RAB11FIP3: variants seen among roughly 807,000 people sequenced by gnomAD.
The protein encoded by RAB11FIP3 is rab11 family-interacting protein 3.
RAB11FIP3 carries 17 observed loss-of-function variants against 77.8 expected under a neutral mutation model. The ratio of observed to expected loss-of-function variants is 0.22; its 90% confidence interval spans 0.15 to 0.33. RAB11FIP3 has a LOEUF of 0.33. Among genes scored for constraint, RAB11FIP3 ranks in the 10% least tolerant of loss-of-function variants. The pLI, the probability that RAB11FIP3 is intolerant of heterozygous loss-of-function variation, is 1.00. For missense variants in RAB11FIP3, 1,005 were observed against 1,011.2 expected (o/e 0.99, Z 0.08); for synonymous variants, 437 against 448.2 (o/e 0.98, Z 0.31).
chr16:495,352 C>T (rs1157821507), intron 5 of RAB11FIP3, among the ~76,000 whole-genome samples: 1 of 152,208 alleles, frequency 6.6e-6, no homozygotes, highest in Non-Finnish European at 1.5e-5. Context: ...GGTGGGGACA[C>T]CACCGTGCTG....
chr16:506,490 C>T lies in RAB11FIP3; in HGVS notation c.1499+863C>T, dbSNP rs1049146845. ...CCGGCTCTTCCACATATTCTCAGCT[C>T]GGCCAAGGGCCCTGTCCCTTGAAGC... On this transcript the variant is annotated intron_variant, in intron 8 of 13. Coordinates refer to ENST00000262305, the MANE Select transcript of RAB11FIP3 (RefSeq NM_014700.4). The surrounding 1 kb of genome is among the most constrained non-coding windows in gnomAD (Gnocchi z 4.5). Among the ~76,000 whole-genome samples the T allele has an allele frequency of 4.6e-5, 7 of 152,164 alleles. No individual in the cohort carries two copies. The highest frequency in any genetic ancestry group is 1.7e-4 in the African/African-American group (7 of 41,444).
intron 1 of RAB11FIP3, among the ~76,000 whole-genome samples, chr16:455,561 T>G (rs1567366411): frequency 6.6e-6 from 1 of 152,128 alleles, no homozygotes; most frequent in South Asian, 2.1e-4. Context: ...TGATCGGATA[T>G]GACTGGAGCA....
rs2055825413 is a variant in RAB11FIP3 at position 472,404 on chromosome 16, T to C, written c.903+1015T>C. Among the ~76,000 whole-genome samples, 1 of 152,200 alleles carries C rather than the reference T, an allele frequency of 6.6e-6. No homozygotes were observed. The highest frequency in any genetic ancestry group is 1.5e-5 in the Non-Finnish European group (1 of 68,032). ...GGTCCCATGTTTGGCCTTGGTGTGC[T>C]CTTTCTGCACGTGAGGCAGCAGTGA... On this transcript the variant is annotated intron_variant, in intron 3 of 13. Transcript: ENST00000262305. The surrounding 1 kb of genome is among the most constrained non-coding windows in gnomAD (Gnocchi z 4.1).
intron 8 of RAB11FIP3, among the ~76,000 whole-genome samples, chr16:509,111 T>A (rs2141877562): frequency 6.6e-6 from 1 of 152,082 alleles, no homozygotes; most frequent in African/African-American, 2.4e-5. Flanking sequence ...ACCATATTGG[T>A]CAGGCTGGTC....
At chr16:492,080 C>G (rs1408948963) in intron 5 of RAB11FIP3, among the ~76,000 whole-genome samples, 2 of 152,212 alleles carry the variant, frequency 1.3e-5, no homozygotes, top group Non-Finnish European at 2.9e-5. Flanking sequence ...TGTCTTGAGC[C>G]TGCCCTGTCC....
At chr16:494,027 C>T (rs12933874) in intron 5 of RAB11FIP3, among the ~76,000 whole-genome samples, 61,714 of 108,836 alleles carry the variant, frequency 0.57, 18,711 homozygotes, top group African/African-American at 0.73. Context: ...CCTCAGCCTC[C>T]CGAGTAGCTG....
chr16:489,768 C>T (rs889075076), intron 5 of RAB11FIP3, among the ~76,000 whole-genome samples: 12 of 121,824 alleles, frequency 9.9e-5, no homozygotes, highest in African/African-American at 3.3e-4. Context: ...GGGTGGAGGG[C>T]GGTGCAGGAG....
chr16:441,394 C>T (rs79579795), intron 1 of RAB11FIP3, among the ~76,000 whole-genome samples: 3,903 of 152,244 alleles, frequency 0.026, 182 homozygotes, highest in African/African-American at 0.088. Flanking sequence ...ATGAGGTCTT[C>T]CCATCACTGT....
Position 472,869 on chromosome 16 carries a change from T to G in RAB11FIP3, c.903+1480T>G, listed in dbSNP as rs1246741111. On this transcript the variant is annotated intron_variant, in intron 3 of 13. Transcript: ENST00000262305. The surrounding 1 kb of genome is among the most constrained non-coding windows in gnomAD (Gnocchi z 4.1). ...GGTGATATCATGCTGGTTTGGGCCCTAAATCCAGTGACAGGTGTCCCTGGA... is the reference window on the plus strand; with the variant it reads ...GGTGATATCATGCTGGTTTGGGCCCGAAATCCAGTGACAGGTGTCCCTGGA... Among the ~76,000 whole-genome samples the G allele has an allele frequency of 6.6e-6, 1 of 152,064 alleles. No homozygotes were observed. The highest frequency in any genetic ancestry group is 1.5e-5 in the Non-Finnish European group (1 of 67,998).
chr16:518,656 A>G (rs995682223), intron 9 of RAB11FIP3, among the ~76,000 whole-genome samples: 2 of 152,030 alleles, frequency 1.3e-5, no homozygotes, highest in African/African-American at 4.8e-5. Flanking sequence ...ACCCCGGGAG[A>G]TGGAGCTTGC....
chr16:458,690 C>G (rs1191659279), intron 1 of RAB11FIP3, among the ~76,000 whole-genome samples: 2 of 151,678 alleles, frequency 1.3e-5, no homozygotes, highest in Non-Finnish European at 2.9e-5. Flanking sequence ...AGGGCTCCTG[C>G]CAGCCTGTTG....
chr16:450,171 C>CT (rs1166574032), intron 1 of RAB11FIP3, among the ~76,000 whole-genome samples: 3 of 151,830 alleles, frequency 2.0e-5, no homozygotes, highest in Non-Finnish European at 4.4e-5. Context: ...GCACAACAAA[C>CT]TTTTTTTCTC....
At chr16:497,368 A>G (rs1408235441) in intron 6 of RAB11FIP3, 2 of 1,301,290 alleles carry the variant, frequency 1.5e-6, no homozygotes, top group Non-Finnish European at 2.0e-6. Context: ...GCCAGTTCTT[A>G]CCGAAATAAA....
chr16:461,214 CTG>C lies in RAB11FIP3; in HGVS notation c.715-187_715-186del, dbSNP rs2055599921. Among the ~76,000 whole-genome samples the C allele has an allele frequency of 2.0e-5, 3 of 152,164 alleles. No individual in the cohort carries two copies. The highest frequency in any genetic ancestry group is 7.2e-5 in the African/African-American group (3 of 41,442). On this transcript the variant is annotated intron_variant, in intron 1 of 13. Transcript: ENST00000262305. This position sits in a 1 kb window ranked among gnomAD's most constrained non-coding sequence, Gnocchi z 4.5. ...GGAGCACACAGTAGGCTTTGCGCTC[CTG>C]TGAGAAGAACCTGATGCTCCTGCTG...
At chr16:455,455 C>A (rs1370631776) in intron 1 of RAB11FIP3, among the ~76,000 whole-genome samples, 9 of 146,970 alleles carry the variant, frequency 6.1e-5, no homozygotes, top group Non-Finnish European at 1.2e-4. Flanking sequence ...GCCTGGGTAA[C>A]AGAGGCGACT....
In RAB11FIP3 at chr16:505,342, G is replaced by A. The variant is rs2031814678; in HGVS notation, c.1396-182G>A. ...AATGACAGTGCTCCCCAAGACCCCG[G>A]CCCCATTAGGAGCTGCACCTTTGTG... On this transcript the variant is annotated intron_variant, in intron 7 of 13. Coordinates refer to ENST00000262305, the MANE Select transcript of RAB11FIP3 (RefSeq NM_014700.4). This position sits in a 1 kb window ranked among gnomAD's most constrained non-coding sequence, Gnocchi z 4.0. Among the ~76,000 whole-genome samples the A allele has an allele frequency of 6.6e-6, 1 of 152,154 alleles. No individual in the cohort carries two copies. The highest frequency in any genetic ancestry group is 1.5e-5 in the Non-Finnish European group (1 of 68,024).
intron 1 of RAB11FIP3, among the ~76,000 whole-genome samples, chr16:443,190 G>A (rs771994710): frequency 2.3e-4 from 35 of 152,080 alleles, no homozygotes; most frequent in African/African-American, 7.7e-4. Context: ...GCTCTCTCTT[G>A]CAGACTAAGA....
rs974763036 is a variant in RAB11FIP3 at position 474,224 on chromosome 16, ATTGATTGG to A, written c.903+2851_903+2858del. Among the ~76,000 whole-genome samples, 918 of 151,946 alleles carry A rather than the reference ATTGATTGG, an allele frequency of 6.0e-3. 10 individuals carry two copies. The highest frequency in any genetic ancestry group is 0.021 in the African/African-American group (872 of 41,380). Reference sequence around the variant, plus strand: ...TAGTCTTCAGGTAAATAAACCTTTGATTGATTGGTTGATTGGTTGATTGATTGATATTC... The same window carrying A: ...TAGTCTTCAGGTAAATAAACCTTTGATTGATTGGTTGATTGATTGATATTC... On this transcript the variant is annotated intron_variant, in intron 3 of 13. Coordinates refer to ENST00000262305, the MANE Select transcript of RAB11FIP3 (RefSeq NM_014700.4).
At position 426,361 on chromosome 16, in the gene RAB11FIP3, C is replaced by T; in HGVS notation, c.355C>T (p.Leu119Phe). 1 of 1,537,474 alleles carries T rather than the reference C, an allele frequency of 6.5e-7. No homozygotes were observed. Among genetic ancestry groups the T allele is most frequent in the Non-Finnish European group, 8.7e-7 (1 of 1,144,160 alleles). Residue 119 changes from leucine (L) to phenylalanine (F), a missense_variant, in exon 1 of 14, where the codon CTC becomes TTC. Physicochemically the swap from Leu to Phe is conservative, Grantham distance 22. Coordinates refer to ENST00000262305, the MANE Select transcript of RAB11FIP3 (RefSeq NM_014700.4). The surrounding 1 kb of genome is among the most constrained non-coding windows in gnomAD (Gnocchi z 5.0). ...GCGCTCCGAAGCGCCGCTTCCAGAA[C>T]TCGACCCGTTGTTCTCCTGGACTGA... The part of the protein sequence containing the change: ...GPRSEAPLPE[L>F]DPLFSWTEEP...
Sources: allele counts gnomAD v4.1 joint callset (sites outside exome capture counted in the v4.1 genomes callset), GRCh38; gene constraint gnomAD v4.1.1; non-coding constraint Gnocchi (gnomAD v3.1); transcripts MANE v1.5; gene names NCBI Gene and HGNC (gene_info 2026-07-23, HGNC 2026-07-21).